LIN37: variants seen among roughly 807,000 people sequenced by gnomAD.
LIN37 encodes the protein lin-37 DREAM MuvB core complex component, also known as protein lin-37 homolog.
Under a neutral mutation model 38.0 loss-of-function variants are expected in LIN37, and 21 were observed. The observed-to-expected ratio is 0.55, with a 90% CI of 0.39 to 0.80. The LOEUF is 0.80. LIN37 is among the 30% of genes least tolerant of loss of function. The pLI, the probability that LIN37 is intolerant of heterozygous loss-of-function variation, is 0.00. For synonymous variants in LIN37, 126 were observed against 122.9 expected, an observed-to-expected ratio of 1.03 and a Z score of -0.17; for missense variants, 273 against 338.5, an observed-to-expected ratio of 0.81 and a Z score of 1.52.
At chr19:35,749,845 A>G (rs1266565579) in intron 1 of LIN37, among the ~76,000 whole-genome samples, 1 of 151,758 alleles carries the variant, frequency 6.6e-6, no homozygotes, top group Non-Finnish European at 1.5e-5. Flanking sequence ...GAAAGAAAGA[A>G]AAGAGAAGTG....
intron 6 of LIN37, chr19:35,753,747 TTCCCTGAGGCAGGCAGACGCGAC>T (rs1423294883): frequency 1.8e-6 from 1 of 562,388 alleles, no homozygotes; most frequent in African/African-American, 1.9e-5. Flanking sequence ...CTAGACAGGA[TTCCCTGAGGCAGGCAGACGCGAC>T]TCCCTGGGCT....
At position 35,754,195 on chromosome 19, in the gene LIN37, T is replaced by G. The variant is rs764252654; in HGVS notation, c.585+38T>G. On this transcript the variant is annotated intron_variant, in intron 7 of 8. Transcript: ENST00000301159. ...GGCTGGCCCAGGGTTATGGGGCACA[T>G]GCGGTAGGGCTCAGGAATGGCCACT... The G allele has an allele frequency of 6.2e-6, 10 of 1,613,812 alleles. No individual in the cohort carries two copies. The East Asian group carries it at 1.8e-4, about 29-fold the overall frequency.
intron 6 of LIN37, chr19:35,753,592 G>A (rs1343127237): frequency 5.9e-6 from 3 of 509,218 alleles, no homozygotes; most frequent in African/African-American, 1.9e-5. Flanking sequence ...GAGGAGCAGG[G>A]GCTGGGCAGG....
At chr19:35,752,119 C>T in intron 1 of LIN37, 57 bp from the exon 2 acceptor site, 1 of 1,377,088 alleles carries the variant, frequency 7.3e-7, no homozygotes, top group Non-Finnish European at 1.0e-6. Context: ...GCCCAGTCAG[C>T]TGCCCACCTA....
rs1970692184 is a variant in LIN37, at chr19:35,752,507, G to A, written c.161+23G>A. The A allele has an allele frequency of 5.6e-6, 9 of 1,613,034 alleles. No individual in the cohort carries two copies. The African/African-American group carries it at 1.1e-4, about 19-fold the overall frequency. ...TAAGTGAGTTTTTCTGATTGGATTT[G>A]GAGTTGAGAGTTCGTGGTTGGTAAC... On this transcript the variant is annotated intron_variant, in intron 3 of 8. Coordinates refer to ENST00000301159, the MANE Select transcript of LIN37 (RefSeq NM_019104.3).
At position 35,752,788 on chromosome 19, in the gene LIN37, C is replaced by T. The variant is rs771236026; in HGVS notation, c.162-16C>T. On this transcript the variant is annotated splice_polypyrimidine_tract_variant and intron_variant, in intron 3 of 8. Coordinates refer to ENST00000301159, the MANE Select transcript of LIN37 (RefSeq NM_019104.3). ...GCACAGGCGTTTGTCTGAGGGTCAACTGTCTTTCCCCACAGGGACTGCTCC... is the reference window on the plus strand; with the variant it reads ...GCACAGGCGTTTGTCTGAGGGTCAATTGTCTTTCCCCACAGGGACTGCTCC... 2 of 1,608,622 alleles carry T rather than the reference C, an allele frequency of 1.2e-6. No individual in the cohort carries two copies. The highest frequency in any genetic ancestry group is 1.7e-5 in the Admixed American group (1 of 59,486).
chr19:35,753,063 C>A, intron 5 of LIN37, 24 bp from the exon 6 acceptor site: 1 of 1,597,622 alleles, frequency 6.3e-7, no homozygotes, highest in Non-Finnish European at 8.5e-7. Flanking sequence ...GATGCTCACA[C>A]ACCTCCCATC....
rs913594394 is a variant in LIN37, at chr19:35,752,011, G to A, written c.35-165G>A. The A allele has an allele frequency of 6.8e-6, 4 of 590,238 alleles. No individual in the cohort carries two copies. The South Asian group carries it at 7.9e-5, about 12-fold the overall frequency. 36.6% of individuals were successfully genotyped at this position (590,238 alleles called of 1,614,324 possible). On this transcript the variant is annotated intron_variant, in intron 1 of 8. Coordinates refer to ENST00000301159, the MANE Select transcript of LIN37 (RefSeq NM_019104.3). ...GACAGCTCTGGAACTCAGAGCTCTG[G>A]GCATCACTCCAGCCATCTCTGCCTG...
At chr19:35,748,961 G>A in intron 1 of LIN37, 1 of 1,444,134 alleles carries the variant, frequency 6.9e-7, no homozygotes. Context: ...GATTGAATGG[G>A]GTGGCTCGGG....
Position 35,752,897 on chromosome 19 carries a change from T to TA in LIN37, c.192-17_192-16insA. 1 of 1,584,864 alleles carries TA rather than the reference T, an allele frequency of 6.3e-7. No homozygotes were observed. The highest frequency in any genetic ancestry group is 8.6e-7 in the Non-Finnish European group (1 of 1,165,706). On this transcript the variant is annotated splice_polypyrimidine_tract_variant and intron_variant, in intron 4 of 8. Coordinates refer to ENST00000301159, the MANE Select transcript of LIN37 (RefSeq NM_019104.3). ...CCAGCTCCTACCCCAGTCCTGACAC[T>TA]CCCTCTCCCTACGCAGGCCATCTGC...
chr19:35,750,841 G>C (rs1262329429), intron 1 of LIN37, among the ~76,000 whole-genome samples: 1 of 151,730 alleles, frequency 6.6e-6, no homozygotes, highest in African/African-American at 2.4e-5. Flanking sequence ...CGCGCCTGTA[G>C]TCCCAGTTCT....
intron 1 of LIN37, 83 bp downstream of exon 1, chr19:35,748,841 A>C: frequency 6.2e-7 from 1 of 1,609,664 alleles, no homozygotes; most frequent in Non-Finnish European, 8.5e-7. Flanking sequence ...TATCGCGGAA[A>C]GGGGACTGCA....
chr19:35,754,182 G>T (rs775782773), intron 7 of LIN37, 25 bp downstream of exon 7: 3 of 1,613,976 alleles, frequency 1.9e-6, no homozygotes, highest in Admixed American at 1.7e-5. Context: ...CTGGCCCAGG[G>T]TTATGGGGCA....
At chr19:35,750,088 G>T (rs1970661143) in intron 1 of LIN37, among the ~76,000 whole-genome samples, 1 of 152,056 alleles carries the variant, frequency 6.6e-6, no homozygotes, top group African/African-American at 2.4e-5. Flanking sequence ...GACCAGGATG[G>T]GTAGAGTAGG....
chr19:35,752,444 G>T lies in LIN37; in HGVS notation c.121G>T (p.Asp41Tyr). 2 of 1,614,008 alleles carry T rather than the reference G, an allele frequency of 1.2e-6. No homozygotes were observed. Among genetic ancestry groups the T allele is most frequent in the Non-Finnish European group, 1.7e-6 (2 of 1,179,880 alleles). The change falls in exon 3 of 9, where the codon GAT becomes TAT. Residue 41 changes from aspartate to tyrosine, a missense_variant. Asp to Tyr is a radical substitution (Grantham distance 160). Transcript: ENST00000301159. ...EKSHMDRERL[D>Y]EEAGKTPSDT... is the part of the protein sequence containing the mutation. The stretch of plus-strand genomic sequence containing the variant: ...CTCTTCTGCCTCTAGGGAGCGTCTG[G>T]ATGAGGAAGCTGGGAAAACACCCTC...
Position 35,749,639 on chromosome 19 carries a change from C to CAA in LIN37, c.34+896_34+897dup, listed in dbSNP as rs58819437. Reference sequence around the variant, plus strand: ...CGAAACGCTGTCTCTATAAAAAATACAAAAAAAAAAAAAAAATTAGCCAGG... The same window carrying CAA: ...CGAAACGCTGTCTCTATAAAAAATACAAAAAAAAAAAAAAAAAATTAGCCAGG... On this transcript the variant is annotated intron_variant, in intron 1 of 8. Transcript: ENST00000301159. Among the ~76,000 whole-genome samples the CAA allele has an allele frequency of 8.9e-3, 1,088 of 122,936 alleles. 5 individuals carry two copies. Among genetic ancestry groups the CAA allele is most frequent in the African/African-American group, 0.023 (798 of 34,316 alleles). 80.7% of individuals were successfully genotyped at this position (122,936 alleles called of 152,430 possible). A position where few individuals can be genotyped will look rare whatever the true frequency, so the allele number is the denominator to read the frequency against.
chr19:35,748,577 C>T lies in LIN37; in HGVS notation c.-148C>T, dbSNP rs772768583. ...CCCGCCCACAGAAGGGTGGTGGCCA[C>T]GGTCCAGGCTGGACACAACCAAAGG... On this transcript the variant is annotated 5_prime_UTR_variant, in exon 1 of 9. The change creates a new upstream start codon in the 5' untranslated region. Transcript: ENST00000301159. The T allele has an allele frequency of 1.1e-5, 11 of 1,044,622 alleles. No individual in the cohort carries two copies. Among genetic ancestry groups the T allele is most frequent in the Non-Finnish European group, 1.2e-5 (8 of 678,264 alleles). The allele number at this position is 1,044,622 out of a possible 1,614,324, so 64.7% of individuals were successfully genotyped here. A position where few individuals can be genotyped will look rare whatever the true frequency, so the allele number is the denominator to read the frequency against.
At chr19:35,752,763 G>A (rs779838002) in intron 3 of LIN37, 41 bp from the exon 4 acceptor site, 1 of 1,602,966 alleles carries the variant, frequency 6.2e-7, no homozygotes, top group South Asian at 1.1e-5. Flanking sequence ...GCAGGGTTTT[G>A]CACAGGCGTT....
rs796989672 is a variant in LIN37, at chr19:35,752,187, G to A, written c.46G>A (p.Ala16Thr). 1 of 1,600,924 alleles carries A rather than the reference G, an allele frequency of 6.2e-7. No individual in the cohort carries two copies. The highest frequency in any genetic ancestry group is 1.3e-5 in the African/African-American group (1 of 74,760). ...VKVEKSELEM[A>T]KARNQLDAVL... ...CTCTCTTGCCCCAGAGCTGGAGATG[G>A]CCAAAGCCCGGAACCAACTGGATGC... The change falls in exon 2 of 9, where the codon GCC becomes ACC. Residue 16 changes from alanine to threonine, a missense_variant. Ala to Thr is a moderately conservative substitution (Grantham distance 58, BLOSUM62 0). Transcript: ENST00000301159.
Sources: allele counts gnomAD v4.1 joint callset (sites outside exome capture counted in the v4.1 genomes callset), GRCh38; gene constraint gnomAD v4.1.1; transcripts MANE v1.5; gene names NCBI Gene and HGNC (gene_info 2026-07-23, HGNC 2026-07-21).